Variants in USP45 observed in about 807,000 individuals in gnomAD.
USP45 encodes the protein ubiquitin specific peptidase 45.
Under a neutral mutation model 95.8 loss-of-function variants are expected in USP45, and 89 were observed. That is an observed-to-expected ratio of 0.93 (90% CI 0.78 to 1.11). The LOEUF (loss-of-function observed/expected upper bound fraction) is 1.11, where lower values mean the gene tolerates loss of function less well. Among genes scored for constraint, USP45 ranks in the 50% least tolerant of loss-of-function variants. The pLI, the probability that USP45 is intolerant of heterozygous loss-of-function variation, is 0.00. For missense variants in USP45, 898 were observed against 942.5 expected, an observed-to-expected ratio of 0.95 and a Z score of 0.62; for synonymous variants, 281 against 316.2, an observed-to-expected ratio of 0.89 and a Z score of 1.18.
intron 5 of USP45, among the ~76,000 whole-genome samples, chr6:99,501,543 A>C (rs371614992): frequency 2.6e-5 from 4 of 152,176 alleles, no homozygotes; most frequent in African/African-American, 9.7e-5. Flanking sequence ...TTTCTTTTGT[A>C]GCACTTACCA....
At chr6:99,501,520 G>A (rs191041038) in intron 5 of USP45, among the ~76,000 whole-genome samples, 3 of 152,172 alleles carry the variant, frequency 2.0e-5, no homozygotes, top group African/African-American at 7.2e-5. Flanking sequence ...TAGCCAGCAC[G>A]GCAATCTGTT....
At chr6:99,441,253 C>T (rs530686689) in intron 15 of USP45, among the ~76,000 whole-genome samples, 8 of 152,174 alleles carry the variant, frequency 5.3e-5, no homozygotes, top group African/African-American at 1.7e-4. Context: ...ATTACTCGGC[C>T]GGGCACGGTG....
intron 8 of USP45, among the ~76,000 whole-genome samples, chr6:99,481,129 A>T (rs1423024029): frequency 6.6e-6 from 1 of 152,096 alleles, no homozygotes; most frequent in Non-Finnish European, 1.5e-5. Flanking sequence ...ATCTTCAAAT[A>T]ATGTTTGATC....
At chr6:99,480,341 A>G (rs1792076321) in intron 8 of USP45, among the ~76,000 whole-genome samples, 1 of 152,292 alleles carries the variant, frequency 6.6e-6, no homozygotes, top group East Asian at 1.9e-4. Context: ...CACATTCAAA[A>G]CAATCCCAAC....
At chr6:99,517,200 G>T (rs1801167248), upstream of USP45, among the ~76,000 whole-genome samples, 1 of 140,578 alleles carries the variant, frequency 7.1e-6, no homozygotes. Context: ...TTCAAAGAAA[G>T]GAAATTATTT....
At chr6:99,483,844 C>CAA (rs71276584) in intron 7 of USP45, among the ~76,000 whole-genome samples, 56,855 of 86,372 alleles carry the variant, frequency 0.66, 19,930 homozygotes, top group East Asian at 0.95. Flanking sequence ...GACTCCGTCT[C>CAA]AAAAAAAAAA....
intron 3 of USP45, among the ~76,000 whole-genome samples, chr6:99,508,068 A>G (rs1378797637): frequency 6.6e-6 from 1 of 152,210 alleles, no homozygotes; most frequent in Non-Finnish European, 1.5e-5. Flanking sequence ...CAGAAAACAG[A>G]ATAAACCTCA....
At chr6:99,476,380 C>T (rs1790874428) in intron 8 of USP45, 150 bp from the exon 9 acceptor site, 1 of 714,088 alleles carries the variant, frequency 1.4e-6, no homozygotes. Flanking sequence ...GGCCAAGGGG[C>T]AGATCACTTG....
intron 1 of USP45, among the ~76,000 whole-genome samples, chr6:99,512,895 C>G (rs1800212830): frequency 6.6e-6 from 1 of 152,146 alleles, no homozygotes; most frequent in Non-Finnish European, 1.5e-5. Flanking sequence ...CAGCAACTTC[C>G]CAGTTCTTCC....
intron 15 of USP45, among the ~76,000 whole-genome samples, chr6:99,441,991 T>C (rs1781613581): frequency 6.6e-6 from 1 of 152,204 alleles, no homozygotes; most frequent in Non-Finnish European, 1.5e-5. Flanking sequence ...GGGATGTCAA[T>C]GAACTAGAAA....
intron 15 of USP45, among the ~76,000 whole-genome samples, chr6:99,441,926 G>A (rs532082994): frequency 2.6e-5 from 4 of 152,254 alleles, no homozygotes; most frequent in African/African-American, 7.2e-5. Context: ...TTGCATTTAA[G>A]TGTTGTGGAT....
intron 15 of USP45, among the ~76,000 whole-genome samples, chr6:99,441,725 T>C (rs990420661): frequency 6.6e-6 from 1 of 152,188 alleles, no homozygotes; most frequent in Non-Finnish European, 1.5e-5. Context: ...TTTGCCTTTC[T>C]TTTGCTGGGA....
chr6:99,443,440 C>T, intron 15 of USP45, 125 bp downstream of exon 15: 1 of 556,872 alleles, frequency 1.8e-6, no homozygotes, highest in East Asian at 3.1e-5. Context: ...AGCAGTAAAT[C>T]TCACATGACA....
intron 13 of USP45, among the ~76,000 whole-genome samples, chr6:99,455,430 G>T (rs922164683): frequency 6.6e-6 from 1 of 151,108 alleles, no homozygotes; most frequent in Admixed American, 6.6e-5. Flanking sequence ...CAGCCTGGGC[G>T]ATGGAGCGAG....
intron 13 of USP45, among the ~76,000 whole-genome samples, chr6:99,450,934 C>A (rs1783713493): frequency 1.3e-5 from 2 of 152,098 alleles, no homozygotes; most frequent in Admixed American, 1.3e-4. Context: ...AGACAAAAAC[C>A]ACATGATTAT....
rs1313848815 is a variant in USP45 at position 99,442,387 on chromosome 6, T to C, written c.2073+1178A>G. ...CTTGGCTATGGAAGAATTCAGAACTTAATCTAATCTGTGGATAGGGATGGC... is the reference window on the plus strand; with the variant it reads ...CTTGGCTATGGAAGAATTCAGAACTCAATCTAATCTGTGGATAGGGATGGC... On this transcript the variant is annotated intron_variant, in intron 15 of 17. Coordinates refer to ENST00000500704, the MANE Select transcript of USP45 (RefSeq NM_001346022.3). Among the ~76,000 whole-genome samples, 3 of 152,222 alleles carry C rather than the reference T, an allele frequency of 2.0e-5. No homozygotes were observed. In the East Asian group the frequency reaches 5.8e-4, roughly 29 times the overall value.
In USP45 at chr6:99,435,837, G is replaced by T. The variant is rs375582786; in HGVS notation, c.2324C>A (p.Ala775Glu). 10 of 1,607,592 alleles carry T rather than the reference G, an allele frequency of 6.2e-6. No homozygotes were observed. The highest frequency in any genetic ancestry group is 8.5e-6 in the Non-Finnish European group (10 of 1,177,950). ...TKKKNVPGLKAADNESAGQWV... is the reference protein window; with the variant it reads ...TKKKNVPGLKEADNESAGQWV... ...CTGGCCTGCTGATTCATTATCAGCCGCTTTCAAACCTAGCAAAACAAAAAG... is the reference window on the plus strand; with the variant it reads ...CTGGCCTGCTGATTCATTATCAGCCTCTTTCAAACCTAGCAAAACAAAAAG... Residue 775 changes from alanine to glutamate, a missense_variant, in exon 18 of 18, where the codon GCG becomes GAG. Coordinates refer to ENST00000500704, the MANE Select transcript of USP45 (RefSeq NM_001346022.3).
At chr6:99,451,016 G>C (rs1435313169) in intron 13 of USP45, among the ~76,000 whole-genome samples, 2 of 152,042 alleles carry the variant, frequency 1.3e-5, no homozygotes, top group Non-Finnish European at 2.9e-5. Context: ...AATAAATTAG[G>C]TACTGATGGG....
intron 13 of USP45, chr6:99,461,859 C>A: frequency 1.0e-6 from 1 of 983,838 alleles, no homozygotes; most frequent in Non-Finnish European, 1.2e-6. Context: ...CTTCACTAAT[C>A]AGCAAAACAA....
Sources: allele counts gnomAD v4.1 joint callset (sites outside exome capture counted in the v4.1 genomes callset), GRCh38; gene constraint gnomAD v4.1.1; transcripts MANE v1.5; gene names NCBI Gene and HGNC (gene_info 2026-07-23, HGNC 2026-07-21).